The following IL1RL1 variants were observed in gnomAD, a reference collection of about 807,000 sequenced individuals.
The protein encoded by IL1RL1 is interleukin-1 receptor-like 1.
Under a neutral mutation model 50.9 loss-of-function variants are expected in IL1RL1, and 32 were observed. The observed-to-expected ratio is 0.63, with a 90% CI of 0.47 to 0.84. The LOEUF (loss-of-function observed/expected upper bound fraction) is 0.84, where lower values mean the gene tolerates loss of function less well. IL1RL1 is among the 40% of genes least tolerant of loss of function. IL1RL1 has a pLI of 0.00. For missense variants in IL1RL1, 773 were observed against 662.9 expected, an observed-to-expected ratio of 1.17 and a Z score of -1.82; for synonymous variants, 275 against 236.0, an observed-to-expected ratio of 1.17 and a Z score of -1.51.
At chr2:102,345,639 C>T (rs558226699) in intron 8 of IL1RL1, 2 of 985,374 alleles carry the variant, frequency 2.0e-6, no homozygotes, top group South Asian at 4.7e-5. Context: ...GCCTGAAGTG[C>T]TATGTGGGGT....
In IL1RL1 at chr2:102,323,633, G is replaced by C. The variant is rs1169509901; in HGVS notation, c.-150+12010G>C. Among the ~76,000 whole-genome samples, 3 of 152,022 alleles carry C rather than the reference G, an allele frequency of 2.0e-5. No homozygotes were observed. The East Asian group carries it at 5.8e-4, about 29-fold the overall frequency. On this transcript the variant is annotated intron_variant, in intron 1 of 10. Coordinates refer to ENST00000233954, the MANE Select transcript of IL1RL1 (RefSeq NM_016232.5). The stretch of plus-strand genomic sequence containing the variant: ...GTTCTTTTTAACAGCCAGCTCCCAT[G>C]GGAAGTAATAGAGTGAGAACTCACC...
At chr2:102,331,249 G>T (rs529002038) in intron 1 of IL1RL1, among the ~76,000 whole-genome samples, 1 of 152,298 alleles carries the variant, frequency 6.6e-6, no homozygotes, top group East Asian at 1.9e-4. Context: ...GCAGACTTTA[G>T]ATTTCCATAG....
In IL1RL1 at chr2:102,338,953, C is replaced by T. The variant is rs146872465; in HGVS notation, c.178C>T (p.Gln60Ter). 3 of 1,613,890 alleles carry T rather than the reference C, an allele frequency of 1.9e-6. No individual in the cohort carries two copies. The African/African-American group carries it at 4.0e-5, about 22-fold the overall frequency. ...YSQTNKSIPTQERNRVFASGQ... is the reference protein window; with the variant it reads ...YSQTNKSIPT The stretch of plus-strand genomic sequence containing the variant: ...ACAAACAAACAAAAGTATTCCCACT[C>T]AGGAAAGAAATCGTGTGTTTGCCTC... Residue 60 changes from glutamine to a stop codon, truncating the protein, a stop_gained, in exon 3 of 11, where the codon CAG becomes TAG. Coordinates refer to ENST00000233954, the MANE Select transcript of IL1RL1 (RefSeq NM_016232.5). LOFTEE classifies it high-confidence loss of function.
chr2:102,333,193 A>T (rs749318444), intron 1 of IL1RL1, among the ~76,000 whole-genome samples: 12 of 152,130 alleles, frequency 7.9e-5, no homozygotes, highest in Non-Finnish European at 1.5e-4. Flanking sequence ...TTAGGAATAT[A>T]CTTAAGAGGG....
intron 1 of IL1RL1, among the ~76,000 whole-genome samples, chr2:102,324,906 G>A (rs1423767694): frequency 4.6e-5 from 7 of 152,226 alleles, no homozygotes. Flanking sequence ...GCCTGCCTCT[G>A]TAGACTGCAC....
At chr2:102,324,033 G>C (rs1479277325) in intron 1 of IL1RL1, among the ~76,000 whole-genome samples, 14 of 126,384 alleles carry the variant, frequency 1.1e-4, no homozygotes, top group South Asian at 9.8e-4. Flanking sequence ...TTTTTGCTGA[G>C]TAGTGTTCCA....
chr2:102,325,522 G>T (rs1012509586), intron 1 of IL1RL1, among the ~76,000 whole-genome samples: 1 of 152,162 alleles, frequency 6.6e-6, no homozygotes, highest in Non-Finnish European at 1.5e-5. Flanking sequence ...GACGAGTTGA[G>T]AGAAGAAGGC....
chr2:102,342,887 T>C (rs781336197), intron 6 of IL1RL1, 149 bp from the exon 7 acceptor site: 5 of 725,856 alleles, frequency 6.9e-6, no homozygotes, highest in Admixed American at 2.6e-5. Flanking sequence ...AGAGAGGACA[T>C]AGAAAGAGGA....
At chr2:102,321,159 C>A (rs138158502) in intron 1 of IL1RL1, among the ~76,000 whole-genome samples, 4 of 152,326 alleles carry the variant, frequency 2.6e-5, no homozygotes, top group Admixed American at 2.6e-4. Context: ...CCTAGTTGGC[C>A]TTCCCAGGAC....
In IL1RL1 at chr2:102,351,723, G is replaced by T; in HGVS notation, c.1473G>T (p.Leu491=). Residue 491 remains leucine (L), a synonymous_variant, in exon 11 of 11, where the codon CTG becomes CTT. Coordinates refer to ENST00000233954, the MANE Select transcript of IL1RL1 (RefSeq NM_016232.5). ...EMEALSELDM[L]QAEALQDSLQ... is the part of the protein sequence containing the mutation. ...AGGCTCTGAGCGAGCTGGACATGCT[G>T]CAGGCTGAGGCGCTTCAGGACTCCC... 6.2e-7 allele frequency: 1 copy of T among 1,614,106 alleles called. No individual in the cohort carries two copies. Among genetic ancestry groups the T allele is most frequent in the Non-Finnish European group, 8.5e-7 (1 of 1,179,992 alleles).
chr2:102,318,541 G>A (rs116665171), intron 1 of IL1RL1, among the ~76,000 whole-genome samples: 355 of 152,310 alleles, frequency 2.3e-3, no homozygotes, highest in African/African-American at 8.0e-3. Context: ...TCAGCAGGTG[G>A]ACATGAGAAC....
chr2:102,344,965 G>C (rs1401668461), intron 8 of IL1RL1: 1 of 949,526 alleles, frequency 1.1e-6, no homozygotes, highest in Non-Finnish European at 1.3e-6. Flanking sequence ...ATCTTTATTG[G>C]GTTAATTTCA....
At chr2:102,330,289 A>G (rs1483967345) in intron 1 of IL1RL1, among the ~76,000 whole-genome samples, 1 of 149,584 alleles carries the variant, frequency 6.7e-6, no homozygotes, top group Non-Finnish European at 1.5e-5. Flanking sequence ...GAATTGGACA[A>G]TGAGAACACA....
At chr2:102,311,786 C>T (rs547271813) in intron 1 of IL1RL1, among the ~76,000 whole-genome samples, 163 bp downstream of exon 1, 1 of 96,676 alleles carries the variant, frequency 1.0e-5, no homozygotes, top group Admixed American at 1.5e-4. Context: ...ATTGTTATAA[C>T]ATTATAACAA....
chr2:102,347,397 C>G (rs1370872957), intron 8 of IL1RL1, among the ~76,000 whole-genome samples: 1 of 152,178 alleles, frequency 6.6e-6, no homozygotes, highest in Non-Finnish European at 1.5e-5. Context: ...AGGCAATCTG[C>G]CTTAGTTGGG....
At chr2:102,329,666 A>C (rs1052004164) in intron 1 of IL1RL1, among the ~76,000 whole-genome samples, 1 of 152,224 alleles carries the variant, frequency 6.6e-6, no homozygotes, top group Non-Finnish European at 1.5e-5. Flanking sequence ...ACCCCATCAA[A>C]AAGTGGGCAA....
rs143458919 is a variant in IL1RL1, at chr2:102,340,820, C to A, written c.602C>A (p.Thr201Lys). ...NYSVTATRSF[T>K]VKDEQGFSLF... ...AGTGTGACGGCGACCAGGTCCTTCA[C>A]GGTCAAGGGTAAGCTACTGACATTA... is the stretch of plus-strand genomic sequence containing the variant. The change falls in exon 5 of 11, where the codon ACG (threonine) becomes AAG (lysine). Residue 201 changes from threonine to lysine, a missense_variant. By Grantham distance (78) the Thr-to-Lys change is moderately conservative (BLOSUM62 -1). Coordinates refer to ENST00000233954, the MANE Select transcript of IL1RL1 (RefSeq NM_016232.5). 6.4e-7 allele frequency: 1 copy of A among 1,572,574 alleles called. No homozygotes were observed. Among genetic ancestry groups the A allele is most frequent in the South Asian group, 1.2e-5 (1 of 84,606 alleles).
downstream of IL1RL1, among the ~76,000 whole-genome samples, chr2:102,352,355 T>G (rs868240856): frequency 7.9e-5 from 10 of 126,018 alleles, no homozygotes; most frequent in African/African-American, 3.0e-4. Context: ...GTTCCCAACA[T>G]GCCAGATTTT....
intron 1 of IL1RL1, among the ~76,000 whole-genome samples, chr2:102,334,622 TGA>T (rs756227176): frequency 6.6e-6 from 1 of 152,118 alleles, no homozygotes; most frequent in African/African-American, 2.4e-5. Context: ...CAGCTTATTG[TGA>T]GAGTCACTGA....
Sources: allele counts gnomAD v4.1 joint callset (sites outside exome capture counted in the v4.1 genomes callset), GRCh38; gene constraint gnomAD v4.1.1; transcripts MANE v1.5; gene names NCBI Gene and HGNC (gene_info 2026-07-23, HGNC 2026-07-21).